The following PLCL2 variants were observed in gnomAD, a reference collection of about 807,000 sequenced individuals.
PLCL2 encodes phospholipase C like 2.
A neutral mutation model predicts 79.6 loss-of-function variants in PLCL2; 4 were observed. The observed-to-expected ratio is 0.05, with a 90% CI of 0.02 to 0.11. The LOEUF (loss-of-function observed/expected upper bound fraction) is 0.11. PLCL2 is among the 10% of genes least tolerant of loss of function. The pLI is 1.00. For missense variants in PLCL2, 895 were observed against 1,291.0 expected, an observed-to-expected ratio of 0.69 and a Z score of 4.70; for synonymous variants, 484 against 457.7, an observed-to-expected ratio of 1.06 and a Z score of -0.73.
Position 17,042,946 on chromosome 3 carries a change from G to T in PLCL2, c.3091G>T (p.Ala1031Ser). The T allele has an allele frequency of 1.2e-6, 2 of 1,604,956 alleles. No homozygotes were observed. The highest frequency in any genetic ancestry group is 1.7e-6 in the Non-Finnish European group (2 of 1,171,832). ...TGAAAAGATCGTACATTGTCAGAAG[G>T]CAGGTAAGTGAAAGTTTGTTTCCTC... ...VYEKIVHCQK[A>S]AMEFHEHLHS... Residue 1031 changes from alanine to serine, a missense_variant, in exon 4 of 6, where the codon GCA (alanine) becomes TCA (serine). This residue lies in a region of PLCL2 where 298 missense variants were observed against 459.6 expected (regional missense o/e 0.65). Coordinates refer to ENST00000615277, the MANE Select transcript of PLCL2 (RefSeq NM_001144382.2).
At chr3:16,907,694 G>C (rs765391319) in intron 1 of PLCL2, among the ~76,000 whole-genome samples, 1 of 152,090 alleles carries the variant, frequency 6.6e-6, no homozygotes, top group African/African-American at 2.4e-5. Flanking sequence ...TTGGGTTTTT[G>C]AGAGAATTAA....
intron 1 of PLCL2, among the ~76,000 whole-genome samples, chr3:16,985,134 T>G (rs2064036161): frequency 6.6e-6 from 1 of 152,118 alleles, no homozygotes; most frequent in South Asian, 2.1e-4. Flanking sequence ...TGTAGTAGCT[T>G]GACCTGTATG....
In PLCL2 at chr3:17,090,140, T is replaced by A; in HGVS notation, c.*228T>A. On this transcript the variant is annotated 3_prime_UTR_variant, in exon 6 of 6. Coordinates refer to ENST00000615277, the MANE Select transcript of PLCL2 (RefSeq NM_001144382.2). The stretch of plus-strand genomic sequence containing the variant: ...ATATTGCTGGCCAAAATATGCTATA[T>A]TTGTATACAAAGACATTCTAACTCA... The A allele has an allele frequency of 1.6e-6, 2 of 1,235,032 alleles. No homozygotes were observed. The allele number at this position is 1,235,032 out of a possible 1,614,324, so 76.5% of individuals were successfully genotyped here.
intron 1 of PLCL2, among the ~76,000 whole-genome samples, chr3:16,919,379 CCT>C (rs1213759850): frequency 2.0e-5 from 3 of 151,960 alleles, no homozygotes; most frequent in Non-Finnish European, 4.4e-5. Flanking sequence ...TAGTTTTGTT[CCT>C]CTTTTCCTTA....
chr3:17,053,215 A>C (rs2064859709), intron 4 of PLCL2, among the ~76,000 whole-genome samples: 1 of 152,228 alleles, frequency 6.6e-6, no homozygotes, highest in Admixed American at 6.5e-5. Flanking sequence ...TGATGCTGGC[A>C]TCTTCTCAGC....
At chr3:16,981,060 G>A (rs985872221) in intron 1 of PLCL2, among the ~76,000 whole-genome samples, 1 of 152,226 alleles carries the variant, frequency 6.6e-6, no homozygotes, top group African/African-American at 2.4e-5. Context: ...CAGGCAGGGA[G>A]GTTGCAGTGA....
intron 4 of PLCL2, among the ~76,000 whole-genome samples, chr3:17,056,326 C>A (rs867816692): frequency 1.3e-4 from 20 of 152,056 alleles, no homozygotes; most frequent in African/African-American, 4.3e-4. Context: ...TATATACACA[C>A]ATGTATGTGT....
intron 1 of PLCL2, among the ~76,000 whole-genome samples, chr3:16,919,713 A>C (rs1697078728): frequency 6.6e-6 from 1 of 152,018 alleles, no homozygotes; most frequent in African/African-American, 2.4e-5. Flanking sequence ...ACTCCTTATG[A>C]CTGGCCTTTT....
At chr3:17,024,554 C>G (rs2064493567) in intron 3 of PLCL2, among the ~76,000 whole-genome samples, 1 of 152,098 alleles carries the variant, frequency 6.6e-6, no homozygotes, top group African/African-American at 2.4e-5. Flanking sequence ...TCTCTACATT[C>G]AGTTTTGTGG....
At chr3:16,955,857 G>A (rs925295741) in intron 1 of PLCL2, among the ~76,000 whole-genome samples, 2 of 152,172 alleles carry the variant, frequency 1.3e-5, no homozygotes, top group Non-Finnish European at 1.5e-5. Flanking sequence ...AAGAATGCTT[G>A]TGATTTTTGC....
At chr3:17,069,764 G>C (rs549291032) in intron 5 of PLCL2, among the ~76,000 whole-genome samples, 1 of 152,094 alleles carries the variant, frequency 6.6e-6, no homozygotes, top group Non-Finnish European at 1.5e-5. Context: ...TTTTTCTCAC[G>C]TTAAACGTCT....
At position 16,897,844 on chromosome 3, in the gene PLCL2, A is replaced by G. The variant is rs149655006; in HGVS notation, c.327+12478A>G. Among the ~76,000 whole-genome samples, 1,186 of 152,342 alleles carry G rather than the reference A, an allele frequency of 7.8e-3. 17 individuals carry two copies. Among genetic ancestry groups the G allele is most frequent in the African/African-American group, 0.027 (1,109 of 41,572 alleles). Reference sequence around the variant, plus strand: ...TGAACTCCTGAGGCATCTATAAAACATATTTTATTGGCTGCAAAGCAGTAA... The same window carrying G: ...TGAACTCCTGAGGCATCTATAAAACGTATTTTATTGGCTGCAAAGCAGTAA... On this transcript the variant is annotated intron_variant, in intron 1 of 5. Transcript: ENST00000615277.
intron 1 of PLCL2, among the ~76,000 whole-genome samples, chr3:16,967,394 G>C (rs187645244): frequency 5.5e-4 from 83 of 152,184 alleles, no homozygotes; most frequent in Non-Finnish European, 9.4e-4. Context: ...AATGTATAAA[G>C]CATTCCCTTT....
At chr3:16,948,652 C>A (rs1237840750) in intron 1 of PLCL2, among the ~76,000 whole-genome samples, 2 of 152,188 alleles carry the variant, frequency 1.3e-5, no homozygotes, top group Admixed American at 6.5e-5. Flanking sequence ...GGTAAATACA[C>A]AGTGAGTACT....
intron 1 of PLCL2, among the ~76,000 whole-genome samples, chr3:16,952,592 C>T (rs1169966349): frequency 2.0e-5 from 3 of 151,678 alleles, no homozygotes; most frequent in Non-Finnish European, 4.4e-5. Flanking sequence ...GAAATTATTC[C>T]TGGCATCTTT....
chr3:17,039,315 T>C (rs528280811), intron 3 of PLCL2, among the ~76,000 whole-genome samples: 7 of 152,180 alleles, frequency 4.6e-5, no homozygotes, highest in Non-Finnish European at 7.4e-5. Context: ...GCCTGCTGAG[T>C]AGGGGCCTGA....
At chr3:16,994,261 A>G (rs2064131079) in intron 1 of PLCL2, among the ~76,000 whole-genome samples, 1 of 152,188 alleles carries the variant, frequency 6.6e-6, no homozygotes, top group Non-Finnish European at 1.5e-5. Flanking sequence ...CCAAATTCAC[A>G]TTACTCTATT....
intron 1 of PLCL2, among the ~76,000 whole-genome samples, chr3:16,983,925 A>G (rs1575570665): frequency 6.6e-6 from 1 of 152,234 alleles, no homozygotes; most frequent in Non-Finnish European, 1.5e-5. Flanking sequence ...ATGATTTTGT[A>G]CGTCAAAGTG....
intron 5 of PLCL2, among the ~76,000 whole-genome samples, chr3:17,069,374 A>G (rs2065040735): frequency 6.6e-6 from 1 of 152,174 alleles, no homozygotes; most frequent in Non-Finnish European, 1.5e-5. Flanking sequence ...CTTCTTCTGT[A>G]AATTTTAGTC....
Sources: gnomAD v4.1 joint callset for allele counts (sites outside exome capture counted in the v4.1 genomes callset) on GRCh38, gnomAD v4.1.1 for gene constraint, gnomAD v4.1.1 regional missense constraint, MANE v1.5 for transcripts, NCBI Gene and HGNC (gene_info 2026-07-23, HGNC 2026-07-21) for gene names.